Variants in STARD4 observed in about 807,000 individuals in gnomAD.
STARD4 encodes stAR-related lipid transfer protein 4.
A neutral mutation model predicts 24.9 loss-of-function variants in STARD4; 33 were observed. The observed-to-expected ratio is 1.32, with a 90% CI of 1.00 to 1.77. STARD4 has a LOEUF of 1.77. Among genes scored for constraint, STARD4 ranks in the 40% most tolerant of loss-of-function variants. The pLI, the probability that STARD4 is intolerant of heterozygous loss-of-function variation, is 0.00. For synonymous variants in STARD4, 88 were observed against 77.4 expected, an observed-to-expected ratio of 1.14 and a Z score of -0.72; for missense variants, 238 against 249.3, an observed-to-expected ratio of 0.95 and a Z score of 0.31.
In STARD4 at chr5:111,501,960, A is replaced by G; in HGVS notation, c.282+2T>C. On this transcript the variant is annotated splice_donor_variant, in intron 4 of 5. Coordinates refer to ENST00000296632, the MANE Select transcript of STARD4 (RefSeq NM_139164.3). LOFTEE classifies it high-confidence loss of function. ...TCTAAAGTAATGTTTCTAAATAGAT[A>G]CCTCTTCAAAGTTCTCCAGAATATC... The G allele has an allele frequency of 6.2e-7, 1 of 1,613,906 alleles. No homozygotes were observed. The highest frequency in any genetic ancestry group is 8.5e-7 in the Non-Finnish European group (1 of 1,179,936).
intron 4 of STARD4, 49 bp downstream of exon 4, chr5:111,501,913 T>G: frequency 6.2e-7 from 1 of 1,608,544 alleles, no homozygotes; most frequent in Non-Finnish European, 8.5e-7. Context: ...ACTCATGCCC[T>G]CCCTCATGCA....
chr5:111,506,314 A>G lies in STARD4; in HGVS notation c.155+16T>C. 2 of 1,441,054 alleles carry G rather than the reference A, an allele frequency of 1.4e-6. No individual in the cohort carries two copies. The highest frequency in any genetic ancestry group is 1.9e-6 in the Non-Finnish European group (2 of 1,043,962). The allele number at this position is 1,441,054 out of a possible 1,614,324, so 89.3% of individuals were successfully genotyped here. A position where few individuals can be genotyped will look rare whatever the true frequency, so the allele number is the denominator to read the frequency against. On this transcript the variant is annotated intron_variant, in intron 3 of 5. Coordinates refer to ENST00000296632, the MANE Select transcript of STARD4 (RefSeq NM_139164.3). The stretch of plus-strand genomic sequence containing the variant: ...AATGTCTTAAGAGCTGTGTAAGTCT[A>G]TAAAAAGTTACTTACAGATATCCAT...
rs1173084785 is a variant in STARD4 at position 111,499,601 on chromosome 5, T to C, written c.*285A>G. 2.8e-6 allele frequency: 1 copy of C among 358,200 alleles called. No homozygotes were observed. Among genetic ancestry groups the C allele is most frequent in the Non-Finnish European group, 5.1e-6 (1 of 195,568 alleles). 22.2% of individuals were successfully genotyped at this position (358,200 alleles called of 1,614,324 possible). ...CAGGAGGCTGAGGTAGAATAACCCCTTGAGCGGTCAGATCAAAGCTGCAGT... is the reference window on the plus strand; with the variant it reads ...CAGGAGGCTGAGGTAGAATAACCCCCTGAGCGGTCAGATCAAAGCTGCAGT... On this transcript the variant is annotated 3_prime_UTR_variant, in exon 6 of 6. Coordinates refer to ENST00000296632, the MANE Select transcript of STARD4 (RefSeq NM_139164.3).
Position 111,500,029 on chromosome 5 carries a change from G to GAACAC in STARD4, c.470_474dup (p.Pro159ValfsTer13). 6.2e-7 allele frequency: 1 copy of GAACAC among 1,614,082 alleles called. No individual in the cohort carries two copies. The highest frequency in any genetic ancestry group is 8.5e-7 in the Non-Finnish European group (1 of 1,179,996). On this transcript the variant is annotated frameshift_variant, in exon 6 of 6. Transcript: ENST00000296632. LOFTEE classifies it high-confidence loss of function. ...CTCTGGTTTGGGTTGTCTTTAAGTG[G>GAACAC]AACACAAAACCAACCACAGGGATGG... is the stretch of plus-strand genomic sequence containing the variant.
intron 3 of STARD4, among the ~76,000 whole-genome samples, chr5:111,503,523 G>A (rs947903803): frequency 6.6e-6 from 1 of 152,200 alleles, no homozygotes; most frequent in African/African-American, 2.4e-5. Context: ...CAGCTGCTTC[G>A]GAGGCTGAGG....
At position 111,507,349 on chromosome 5, in the gene STARD4, A is replaced by G. The variant is rs753729759; in HGVS notation, c.85T>C (p.Trp29Arg). 2.9e-5 allele frequency: 47 copies of G among 1,612,954 alleles called. No homozygotes were observed. The highest frequency in any genetic ancestry group is 4.0e-5 in the Non-Finnish European group (47 of 1,179,594). ...TTTACCGTTTTCTTAGCAACTCGCC[A>G]CTTATCTTCTTCAATGCTATGGTAC... Reference protein sequence around the residue: ...IQYHSIEEDKWRVAKKTKDVT... With the variant: ...IQYHSIEEDKRRVAKKTKDVT... Residue 29 changes from tryptophan to arginine, a missense_variant, in exon 2 of 6, where the codon TGG (tryptophan) becomes CGG (arginine). Physicochemically the swap from Trp to Arg is moderately radical, Grantham distance 101 (BLOSUM62 -3). Coordinates refer to ENST00000296632, the MANE Select transcript of STARD4 (RefSeq NM_139164.3). This position sits in a 1 kb window ranked among gnomAD's most constrained non-coding sequence, Gnocchi z 4.4.
Position 111,502,066 on chromosome 5 carries a change from C to T in STARD4, c.178G>A (p.Asp60Asn), listed in dbSNP as rs918125622. Reference protein sequence around the residue: ...GYLYKAQGVIDDLVYSIIDHI... With the variant: ...GYLYKAQGVINDLVYSIIDHI... The stretch of plus-strand genomic sequence containing the variant: ...TCTATTATACTATAGACAAGGTCAT[C>T]TATAACACCTTGGGCTTTGTAGCTG... Residue 60 changes from aspartate (D) to asparagine (N), a missense_variant, in exon 4 of 6, where the codon GAT becomes AAT. Transcript: ENST00000296632. The T allele has an allele frequency of 2.4e-5, 39 of 1,613,270 alleles. No individual in the cohort carries two copies.
intron 4 of STARD4, 58 bp downstream of exon 4, chr5:111,501,904 C>T (rs996707493): frequency 1.2e-5 from 19 of 1,604,918 alleles, no homozygotes; most frequent in Non-Finnish European, 1.4e-5. Context: ...CTCTGGCTCA[C>T]TCATGCCCTC....
intron 3 of STARD4, among the ~76,000 whole-genome samples, chr5:111,503,227 A>G (rs73789620): frequency 0.025 from 3,823 of 152,310 alleles, 162 homozygotes; most frequent in African/African-American, 0.087. Context: ...ACAATTCCAT[A>G]AATGGTGTGC....
At chr5:111,511,373 T>C (rs1158599389) in intron 1 of STARD4, among the ~76,000 whole-genome samples, 1 of 152,246 alleles carries the variant, frequency 6.6e-6, no homozygotes, top group Non-Finnish European at 1.5e-5. Context: ...TCAGTCCTTC[T>C]GGCTGCTTTA....
At chr5:111,505,163 A>G (rs1296086567) in intron 3 of STARD4, 3 of 380,794 alleles carry the variant, frequency 7.9e-6, no homozygotes, top group Non-Finnish European at 1.5e-5. Flanking sequence ...CTTAAGTGTT[A>G]GCTCAAACAT....
chr5:111,499,758 A>T lies in STARD4; in HGVS notation c.*128T>A. On this transcript the variant is annotated 3_prime_UTR_variant, in exon 6 of 6. Transcript: ENST00000296632. ...CTTTAGGAATAAAACCAAACATTGTACTAGTGAACCAAAAACATTTCAAAT... is the reference window on the plus strand; with the variant it reads ...CTTTAGGAATAAAACCAAACATTGTTCTAGTGAACCAAAAACATTTCAAAT... 1 of 794,318 alleles carries T rather than the reference A, an allele frequency of 1.3e-6. No individual in the cohort carries two copies. Among genetic ancestry groups the T allele is most frequent in the Non-Finnish European group, 2.0e-6 (1 of 498,728 alleles). 49.2% of individuals were successfully genotyped at this position (794,318 alleles called of 1,614,324 possible).
rs756244806 is a variant in STARD4, at chr5:111,501,942, T to C, written c.282+20A>G. 3.1e-6 allele frequency: 5 copies of C among 1,613,454 alleles called. No individual in the cohort carries two copies. Among genetic ancestry groups the C allele is most frequent in the Non-Finnish European group, 4.2e-6 (5 of 1,179,798 alleles). On this transcript the variant is annotated intron_variant, in intron 4 of 5. Transcript: ENST00000296632. Reference sequence around the variant, plus strand: ...TCATGCACATACACACAGTCTAAAGTAATGTTTCTAAATAGATACCTCTTC... The same window carrying C: ...TCATGCACATACACACAGTCTAAAGCAATGTTTCTAAATAGATACCTCTTC...
chr5:111,502,240 G>T, intron 3 of STARD4, 152 bp from the exon 4 acceptor site: 1 of 876,264 alleles, frequency 1.1e-6, no homozygotes, highest in Non-Finnish European at 1.7e-6. Context: ...AGGCTGAGGT[G>T]AGTGGATCAC....
chr5:111,501,067 A>T lies in STARD4; in HGVS notation c.332T>A (p.Ile111Asn). 1 of 1,612,448 alleles carries T rather than the reference A, an allele frequency of 6.2e-7. No homozygotes were observed. The highest frequency in any genetic ancestry group is 8.5e-7 in the Non-Finnish European group (1 of 1,179,586). Residue 111 changes from isoleucine to asparagine, a missense_variant, in exon 5 of 6, where the codon ATT becomes AAT. Transcript: ENST00000296632. ...GAAATCAACAAATTCTCTTGGGGAA[A>T]TTATATTCCAAAGCTGACCAGCAGT... is the stretch of plus-strand genomic sequence containing the variant. ...YTTAGQLWNI[I>N]SPREFVDFSY...
At chr5:111,508,890 A>G (rs1182894702) in intron 1 of STARD4, among the ~76,000 whole-genome samples, 1 of 152,180 alleles carries the variant, frequency 6.6e-6, no homozygotes, top group Non-Finnish European at 1.5e-5. Context: ...AATACCACTA[A>G]TTAGAGCATA....
At chr5:111,500,202 T>C in intron 5 of STARD4, 96 bp from the exon 6 acceptor site, 4 of 1,396,028 alleles carry the variant, frequency 2.9e-6, no homozygotes, top group Non-Finnish European at 2.8e-6. Context: ...TAAATATTTA[T>C]TATTATCCAT....
At chr5:111,505,240 A>G (rs1042459297) in intron 3 of STARD4, among the ~76,000 whole-genome samples, 8 of 152,158 alleles carry the variant, frequency 5.3e-5, no homozygotes, top group African/African-American at 1.7e-4. Flanking sequence ...GATATTTTCA[A>G]CCCTCACTGG....
chr5:111,499,607 G>C lies in STARD4; in HGVS notation c.*279C>G, dbSNP rs1004815985. Reference sequence around the variant, plus strand: ...GCTGAGGTAGAATAACCCCTTGAGCGGTCAGATCAAAGCTGCAGTGAGCTG... The same window carrying C: ...GCTGAGGTAGAATAACCCCTTGAGCCGTCAGATCAAAGCTGCAGTGAGCTG... On this transcript the variant is annotated 3_prime_UTR_variant, in exon 6 of 6. Coordinates refer to ENST00000296632, the MANE Select transcript of STARD4 (RefSeq NM_139164.3). 2.7e-6 allele frequency: 1 copy of C among 366,474 alleles called. No individual in the cohort carries two copies. Among genetic ancestry groups the C allele is most frequent in the African/African-American group, 2.1e-5 (1 of 47,572 alleles). The allele number at this position is 366,474 out of a possible 1,614,324, so 22.7% of individuals were successfully genotyped here.
Sources: allele counts gnomAD v4.1 joint callset (sites outside exome capture counted in the v4.1 genomes callset), GRCh38; gene constraint gnomAD v4.1.1; non-coding constraint Gnocchi (gnomAD v3.1); transcripts MANE v1.5; gene names NCBI Gene and HGNC (gene_info 2026-07-23, HGNC 2026-07-21).